TFDP1: variants seen among roughly 807,000 people sequenced by gnomAD.
TFDP1 encodes the protein DRTF1-polypeptide 1.
TFDP1 carries 6 observed loss-of-function variants against 48.0 expected under a neutral mutation model. The observed-to-expected ratio is 0.13, with a 90% CI of 0.07 to 0.25. The LOEUF is 0.25. Ranked by LOEUF, TFDP1 falls within the 10% of genes least tolerant of loss-of-function variation. The pLI, the probability that TFDP1 is intolerant of heterozygous loss-of-function variation, is 1.00. For missense variants in TFDP1, 335 were observed against 543.0 expected, an observed-to-expected ratio of 0.62 and a Z score of 3.81; for synonymous variants, 201 against 211.6, an observed-to-expected ratio of 0.95 and a Z score of 0.44.
At chr13:113,615,378 G>C (rs1394142310) in intron 3 of TFDP1, among the ~76,000 whole-genome samples, 1 of 152,102 alleles carries the variant, frequency 6.6e-6, no homozygotes, top group Non-Finnish European at 1.5e-5. Context: ...TTTTCCTCTC[G>C]CTTTGCCTGG....
intron 2 of TFDP1, among the ~76,000 whole-genome samples, chr13:113,605,625 C>T (rs2048544672): frequency 6.6e-6 from 1 of 152,238 alleles, no homozygotes; most frequent in Admixed American, 6.5e-5. Context: ...CTCACCCTCG[C>T]AGCAGTAGCA....
chr13:113,610,531 C>T (rs559088662), intron 2 of TFDP1, among the ~76,000 whole-genome samples: 1 of 146,776 alleles, frequency 6.8e-6, no homozygotes, highest in Non-Finnish European at 1.5e-5. Context: ...TGCCATCATA[C>T]GTGCCCCTGC....
At chr13:113,587,533 G>C (rs935929081) in intron 2 of TFDP1, among the ~76,000 whole-genome samples, 3 of 137,414 alleles carry the variant, frequency 2.2e-5, no homozygotes, top group African/African-American at 5.5e-5. Context: ...CTCCCAAGCT[G>C]GAGTGCAGTG....
chr13:113,590,798 C>G (rs1332003138), intron 2 of TFDP1, among the ~76,000 whole-genome samples: 1 of 151,714 alleles, frequency 6.6e-6, no homozygotes, highest in Non-Finnish European at 1.5e-5. Context: ...ATCACAAGGT[C>G]AGGAGATTGA....
chr13:113,631,545 T>A, intron 4 of TFDP1, 78 bp from the exon 5 acceptor site: 2 of 1,522,244 alleles, frequency 1.3e-6, no homozygotes, highest in South Asian at 2.6e-5. Flanking sequence ...TGGCTGCGGA[T>A]AGCGAACAGA....
At chr13:113,624,975 A>T (rs1345247871) in intron 4 of TFDP1, among the ~76,000 whole-genome samples, 1 of 113,024 alleles carries the variant, frequency 8.8e-6, no homozygotes, top group Non-Finnish European at 1.8e-5. Context: ...GGTATCTCTC[A>T]CATGTCCTCA....
chr13:113,600,900 G>A (rs9577587), intron 2 of TFDP1, among the ~76,000 whole-genome samples: 3 of 150,670 alleles, frequency 2.0e-5, no homozygotes, highest in African/African-American at 4.9e-5. Flanking sequence ...ACCCAGAACC[G>A]TGAGAGAGAA....
intron 4 of TFDP1, among the ~76,000 whole-genome samples, chr13:113,629,967 C>T (rs987421416): frequency 2.6e-5 from 4 of 152,166 alleles, no homozygotes; most frequent in Non-Finnish European, 5.9e-5. Context: ...GTGTGGTATG[C>T]GCGGAGCCAG....
intron 11 of TFDP1, 88 bp downstream of exon 11, chr13:113,637,984 G>A: frequency 1.3e-6 from 2 of 1,539,556 alleles, no homozygotes; most frequent in Non-Finnish European, 1.8e-6. Context: ...CTCAGGTGTG[G>A]CCATCAGGTC....
At position 113,624,600 on chromosome 13, in the gene TFDP1, G is replaced by C. The variant is rs144171479; in HGVS notation, c.186+1314G>C. On this transcript the variant is annotated intron_variant, in intron 4 of 11. Coordinates refer to ENST00000375370, the MANE Select transcript of TFDP1 (RefSeq NM_007111.5). The stretch of plus-strand genomic sequence containing the variant: ...GTATCTCTCACATGTCCTCAGGTGT[G>C]TCTCAGGGTATCTCTCACATGTCTT... Among the ~76,000 whole-genome samples the C allele has an allele frequency of 8.9e-3, 827 of 92,796 alleles. 18 individuals carry two copies. The highest frequency in any genetic ancestry group is 0.034 in the African/African-American group (737 of 21,480). The allele number at this position is 92,796 out of a possible 152,430, so 60.9% of individuals were successfully genotyped here. A position where few individuals can be genotyped will look rare whatever the true frequency, so the allele number is the denominator to read the frequency against.
intron 3 of TFDP1, among the ~76,000 whole-genome samples, chr13:113,616,630 A>T (rs773075452): frequency 1.3e-5 from 2 of 152,060 alleles, no homozygotes; most frequent in Non-Finnish European, 2.9e-5. Flanking sequence ...CTTCAATCTC[A>T]TATCTGTCGG....
At position 113,607,678 on chromosome 13, in the gene TFDP1, A is replaced by G. The variant is rs1473583997; in HGVS notation, c.13-3318A>G. On this transcript the variant is annotated intron_variant, in intron 2 of 11. Transcript: ENST00000375370. The surrounding 1 kb of genome is among the most constrained non-coding windows in gnomAD (Gnocchi z 5.2). ...CTTCCTGGAAGGGCCGCCCGGGTCC[A>G]CAACCTGGCCCGTTAACTCCCTGGG... Among the ~76,000 whole-genome samples, 1 of 152,192 alleles carries G rather than the reference A, an allele frequency of 6.6e-6. No individual in the cohort carries two copies. The highest frequency in any genetic ancestry group is 1.5e-5 in the Non-Finnish European group (1 of 68,030).
chr13:113,595,037 C>G (rs2048252503), intron 2 of TFDP1, among the ~76,000 whole-genome samples: 1 of 152,126 alleles, frequency 6.6e-6, no homozygotes, highest in Admixed American at 6.5e-5. Flanking sequence ...ATCTTTTCAC[C>G]TCAGTATATT....
chr13:113,624,957 TCTCTCAGGGTATCTCTCACATG>T, intron 4 of TFDP1, among the ~76,000 whole-genome samples: 1 of 146,626 alleles, frequency 6.8e-6, no homozygotes, highest in Non-Finnish European at 1.5e-5. Flanking sequence ...TCCCCAGGTG[TCTCTCAGGGTATCTCTCACATG>T]TCCTCAGGTG....
chr13:113,620,984 A>T (rs1004345080), intron 3 of TFDP1, among the ~76,000 whole-genome samples: 2 of 152,376 alleles, frequency 1.3e-5, no homozygotes, highest in African/African-American at 4.8e-5. Flanking sequence ...AAGTGTCCTT[A>T]TGTAGCACAA....
chr13:113,634,111 G>C (rs1467838573), intron 7 of TFDP1, 78 bp downstream of exon 7: 8 of 1,598,382 alleles, frequency 5.0e-6, no homozygotes, highest in Non-Finnish European at 6.8e-6. Context: ...CACTCAGAAG[G>C]GTCTGGGCTC....
At chr13:113,588,819 T>G in intron 2 of TFDP1, among the ~76,000 whole-genome samples, 1 of 147,684 alleles carries the variant, frequency 6.8e-6, no homozygotes, top group Non-Finnish European at 1.5e-5. Context: ...TGAGTGGTGA[T>G]GGTAGATTGG....
At chr13:113,614,688 C>A (rs1017002789) in intron 3 of TFDP1, among the ~76,000 whole-genome samples, 4 of 152,230 alleles carry the variant, frequency 2.6e-5, no homozygotes, top group African/African-American at 9.6e-5. Context: ...TCTCTTCCTG[C>A]TGCTGCTGTG....
At chr13:113,616,203 CA>C (rs759656354) in intron 3 of TFDP1, among the ~76,000 whole-genome samples, 7,801 of 75,020 alleles carry the variant, frequency 0.1, 250 homozygotes, top group Non-Finnish European at 0.14. Context: ...ACTCTGTCTC[CA>C]AAAAAAAAAA....
Sources: allele counts gnomAD v4.1 joint callset (sites outside exome capture counted in the v4.1 genomes callset), GRCh38; gene constraint gnomAD v4.1.1; non-coding constraint Gnocchi (gnomAD v3.1); transcripts MANE v1.5; gene names NCBI Gene and HGNC (gene_info 2026-07-23, HGNC 2026-07-21).